Variants in PTPRD observed in about 807,000 individuals in gnomAD.
PTPRD encodes protein tyrosine phosphatase receptor type D.
Under a neutral mutation model 214.5 loss-of-function variants are expected in PTPRD, and 34 were observed. That is an observed-to-expected ratio of 0.16 (90% CI 0.12 to 0.21). The LOEUF is 0.21. Ranked by LOEUF, PTPRD falls within the 10% of genes least tolerant of loss-of-function variation. The pLI is 1.00. For synonymous variants in PTPRD, 1,128 were observed against 845.7 expected (o/e 1.33, Z -5.79); for missense variants, 2,545 against 2,398.7 (o/e 1.06, Z -1.27).
At chr9:8,884,904 A>T (rs1006660855) in intron 11 of PTPRD, among the ~76,000 whole-genome samples, 2 of 152,036 alleles carry the variant, frequency 1.3e-5, no homozygotes, top group Non-Finnish European at 2.9e-5. Context: ...GAAATATATC[A>T]AGTCTCCATG....
chr9:9,014,254 C>A (rs2099524988), intron 11 of PTPRD, among the ~76,000 whole-genome samples: 1 of 136,262 alleles, frequency 7.3e-6, no homozygotes, highest in Non-Finnish European at 1.5e-5. Flanking sequence ...AAGCTGATAT[C>A]TTTGAATAAA....
intron 11 of PTPRD, among the ~76,000 whole-genome samples, chr9:8,865,933 A>G (rs1290735876): frequency 6.6e-6 from 1 of 152,208 alleles, no homozygotes; most frequent in Non-Finnish European, 1.5e-5. Context: ...ATGATTATAA[A>G]GTTTCATGCT....
At chr9:8,354,473 A>C (rs938491378) in intron 39 of PTPRD, among the ~76,000 whole-genome samples, 4 of 152,200 alleles carry the variant, frequency 2.6e-5, no homozygotes, top group African/African-American at 9.7e-5. Context: ...TATCCACATA[A>C]CTGAATTTTC....
At chr9:10,266,124 T>C (rs1253119633) in intron 3 of PTPRD, among the ~76,000 whole-genome samples, 2 of 152,144 alleles carry the variant, frequency 1.3e-5, no homozygotes, top group African/African-American at 4.8e-5. Flanking sequence ...TGCTTACACA[T>C]GTGGACAGAC....
At chr9:9,246,853 G>T (rs1158026354) in intron 9 of PTPRD, among the ~76,000 whole-genome samples, 1 of 151,956 alleles carries the variant, frequency 6.6e-6, no homozygotes, top group African/African-American at 2.4e-5. Flanking sequence ...GAATGTTGTG[G>T]TTCAGAAAAT....
At chr9:10,143,050 C>A (rs915034355) in intron 3 of PTPRD, among the ~76,000 whole-genome samples, 28 of 151,966 alleles carry the variant, frequency 1.8e-4, no homozygotes, top group African/African-American at 6.3e-4. Flanking sequence ...CGCATATTGT[C>A]ACTCATAGGT....
chr9:10,549,892 GTCT>G (rs1325076715), intron 2 of PTPRD, among the ~76,000 whole-genome samples: 2 of 152,020 alleles, frequency 1.3e-5, no homozygotes, highest in Non-Finnish European at 2.9e-5. Context: ...CAACCAATGT[GTCT>G]TCTATCATTC....
chr9:9,297,821 G>C (rs939417705), intron 9 of PTPRD, among the ~76,000 whole-genome samples: 1 of 151,522 alleles, frequency 6.6e-6, no homozygotes, highest in African/African-American at 2.4e-5. Flanking sequence ...ACTAGCTTAG[G>C]ACATTGGCAG....
intron 7 of PTPRD, among the ~76,000 whole-genome samples, chr9:9,714,762 G>A (rs1253804894): frequency 3.3e-5 from 5 of 152,092 alleles, no homozygotes; most frequent in Non-Finnish European, 7.4e-5. Flanking sequence ...GCCCATGGAG[G>A]TGAAAGATCT....
At chr9:8,864,633 C>T (rs912277359) in intron 11 of PTPRD, among the ~76,000 whole-genome samples, 5 of 152,154 alleles carry the variant, frequency 3.3e-5, no homozygotes, top group African/African-American at 1.2e-4. Context: ...TGAAATACCA[C>T]ACGTTGATTT....
chr9:8,759,117 A>G (rs926947806), intron 11 of PTPRD, among the ~76,000 whole-genome samples: 3 of 151,856 alleles, frequency 2.0e-5, no homozygotes, highest in Admixed American at 6.6e-5. Context: ...TGCAGCCTCA[A>G]TCTCCTGAGG....
At chr9:8,890,674 G>T (rs2098531347) in intron 11 of PTPRD, among the ~76,000 whole-genome samples, 1 of 152,048 alleles carries the variant, frequency 6.6e-6, no homozygotes, top group Non-Finnish European at 1.5e-5. Context: ...CTATTTTGTG[G>T]TATATTTTAC....
At chr9:8,411,896 A>G (rs1406872461) in intron 35 of PTPRD, among the ~76,000 whole-genome samples, 2 of 152,230 alleles carry the variant, frequency 1.3e-5, no homozygotes, top group Admixed American at 1.3e-4. Context: ...CTTTACAAAT[A>G]CAATTCACAG....
chr9:10,515,222 A>G (rs562073589), intron 2 of PTPRD, among the ~76,000 whole-genome samples: 2 of 152,008 alleles, frequency 1.3e-5, no homozygotes, highest in Non-Finnish European at 2.9e-5. Flanking sequence ...CTTGCTGCTA[A>G]TGGTAATGTA....
rs140821077 is a variant in PTPRD, at chr9:10,218,202, G to A, written c.-545+122761C>T. 7.0e-3 allele frequency among the ~76,000 whole-genome samples: 1,060 copies of A among 151,852 alleles called. 5 individuals are homozygous for A. Among genetic ancestry groups the A allele is most frequent in the Middle Eastern group, 0.051 (15 of 294 alleles). ...TTCTTACGAATAGCGTCTTAGTAAA[G>A]GCAGACTTAAAAATACAAATAATGT... On this transcript the variant is annotated intron_variant, in intron 3 of 45. Transcript: ENST00000381196.
chr9:9,714,679 T>C (rs2097788232), intron 7 of PTPRD, among the ~76,000 whole-genome samples: 1 of 152,106 alleles, frequency 6.6e-6, no homozygotes, highest in Non-Finnish European at 1.5e-5. Flanking sequence ...ATACAGTGAG[T>C]ACTGAAGAGT....
chr9:9,123,439 G>A (rs922468365), intron 10 of PTPRD, among the ~76,000 whole-genome samples: 2 of 152,174 alleles, frequency 1.3e-5, no homozygotes, highest in African/African-American at 4.8e-5. Flanking sequence ...TAGACTGACA[G>A]CTACATGCTA....
intron 2 of PTPRD, among the ~76,000 whole-genome samples, chr9:10,497,362 A>G (rs1247267384): frequency 6.6e-6 from 1 of 152,012 alleles, no homozygotes; most frequent in Non-Finnish European, 1.5e-5. Context: ...ATACATGTAT[A>G]CTAGATTGTA....
At chr9:9,262,380 T>C (rs942565619) in intron 9 of PTPRD, among the ~76,000 whole-genome samples, 1 of 151,178 alleles carries the variant, frequency 6.6e-6, no homozygotes, top group East Asian at 2.0e-4. Flanking sequence ...ATTAATGTAA[T>C]GTTTACATGC....
Sources: allele counts gnomAD v4.1 joint callset (sites outside exome capture counted in the v4.1 genomes callset), GRCh38; gene constraint gnomAD v4.1.1; transcripts MANE v1.5; gene names NCBI Gene and HGNC (gene_info 2026-07-23, HGNC 2026-07-21).